ALK: variants seen among roughly 807,000 people sequenced by gnomAD.
The protein encoded by ALK is ALK receptor tyrosine kinase, also known as ALK tyrosine kinase receptor.
Under a neutral mutation model 163.1 loss-of-function variants are expected in ALK, and 74 were observed. The observed-to-expected ratio is 0.45, with a 90% CI of 0.38 to 0.55. The LOEUF is 0.55. Ranked by LOEUF, ALK falls within the 20% of genes least tolerant of loss-of-function variation. ALK has a pLI of 0.00. For missense variants in ALK, 2,063 were observed against 2,105.3 expected (o/e 0.98, Z 0.39); for synonymous variants, 960 against 843.2 (o/e 1.14, Z -2.40).
intron 3 of ALK, among the ~76,000 whole-genome samples, chr2:29,631,756 T>C (rs1676381811): frequency 6.6e-6 from 1 of 152,264 alleles, no homozygotes; most frequent in Non-Finnish European, 1.5e-5. Context: ...AGAATAAAGA[T>C]TAGGTATCAC....
intron 11 of ALK, among the ~76,000 whole-genome samples, chr2:29,272,211 A>AGAGAGAG (rs397778187): frequency 6.7e-6 from 1 of 148,438 alleles, no homozygotes; most frequent in South Asian, 2.2e-4. Context: ...AGAGAGAGAG[A>AGAGAGAG]AGAACCTGGC....
At chr2:29,807,110 A>T (rs1174218465) in intron 1 of ALK, among the ~76,000 whole-genome samples, 1 of 152,204 alleles carries the variant, frequency 6.6e-6, no homozygotes, top group Non-Finnish European at 1.5e-5. Context: ...AACTTTCTTA[A>T]AGCCCACAAA....
intron 4 of ALK, among the ~76,000 whole-genome samples, chr2:29,476,819 T>G (rs929366007): frequency 1.7e-4 from 26 of 152,218 alleles, no homozygotes; most frequent in Non-Finnish European, 2.9e-5. Flanking sequence ...GAGCATTTCT[T>G]GCTGTGATGT....
Position 29,332,093 on chromosome 2 carries a change from G to T in ALK, c.1283-3612C>A, listed in dbSNP as rs533670953. ...CAAGGTCAGGAGATCAAGACCATCT[G>T]GGCTAACATGGTGAAACCCCGTCTC... On this transcript the variant is annotated intron_variant, in intron 5 of 28. Coordinates refer to ENST00000389048, the MANE Select transcript of ALK (RefSeq NM_004304.5). Among the ~76,000 whole-genome samples, 423 of 151,336 alleles carry T rather than the reference G, an allele frequency of 2.8e-3. 4 individuals carry two copies. The highest frequency in any genetic ancestry group is 9.5e-3 in the African/African-American group (392 of 41,234).
chr2:29,425,278 A>T (rs891905452), intron 4 of ALK, among the ~76,000 whole-genome samples: 1 of 152,102 alleles, frequency 6.6e-6, no homozygotes, highest in South Asian at 2.1e-4. Context: ...TGGAAATTCC[A>T]TTCCAGGAAG....
chr2:29,311,942 C>A (rs559671602), intron 8 of ALK, among the ~76,000 whole-genome samples: 1 of 152,110 alleles, frequency 6.6e-6, no homozygotes, highest in African/African-American at 2.4e-5. Context: ...CTCCCATGCC[C>A]ATGCTGGCTG....
intron 23 of ALK, 57 bp downstream of exon 23, chr2:29,220,649 C>T (rs530104978): frequency 6.2e-7 from 1 of 1,610,984 alleles, no homozygotes; most frequent in Non-Finnish European, 8.5e-7. Flanking sequence ...CTTGCTCCTT[C>T]CATCCTTGCT....
intron 3 of ALK, among the ~76,000 whole-genome samples, chr2:29,666,397 G>C (rs932067400): frequency 1.3e-5 from 2 of 151,816 alleles, no homozygotes; most frequent in Non-Finnish European, 2.9e-5. Context: ...ACTCTGTTGA[G>C]TCATAGAATA....
intron 3 of ALK, among the ~76,000 whole-genome samples, chr2:29,659,495 A>G (rs1256355148): frequency 6.6e-6 from 1 of 152,076 alleles, no homozygotes; most frequent in African/African-American, 2.4e-5. Flanking sequence ...CTGGTCACAC[A>G]CTTTCTGTGA....
At chr2:29,377,105 C>T (rs1244162938) in intron 5 of ALK, among the ~76,000 whole-genome samples, 1 of 152,150 alleles carries the variant, frequency 6.6e-6, no homozygotes, top group African/African-American at 2.4e-5. Context: ...AAATAAGATA[C>T]AGTTAATATA....
intron 3 of ALK, among the ~76,000 whole-genome samples, chr2:29,573,507 T>C (rs1674436954): frequency 6.6e-6 from 1 of 152,214 alleles, no homozygotes; most frequent in African/African-American, 2.4e-5. Flanking sequence ...AAAAAATTTT[T>C]TGAGACAGGA....
intron 5 of ALK, among the ~76,000 whole-genome samples, chr2:29,330,284 C>T (rs1386332484): frequency 6.6e-6 from 1 of 152,178 alleles, no homozygotes; most frequent in Non-Finnish European, 1.5e-5. Flanking sequence ...TGAACATGGT[C>T]ATGTGATGGT....
intron 4 of ALK, among the ~76,000 whole-genome samples, chr2:29,484,959 G>A (rs1410935917): frequency 6.6e-6 from 1 of 151,736 alleles, no homozygotes; most frequent in Non-Finnish European, 1.5e-5. Flanking sequence ...AGCTTTTAGT[G>A]TTTTTTTTCT....
At chr2:29,486,906 GA>G (rs1249324465) in intron 4 of ALK, among the ~76,000 whole-genome samples, 5 of 152,094 alleles carry the variant, frequency 3.3e-5, no homozygotes, top group Admixed American at 1.3e-4. Flanking sequence ...TAATTTAATG[GA>G]AAAAAATAAA....
At chr2:29,584,278 G>T (rs775339729) in intron 3 of ALK, among the ~76,000 whole-genome samples, 1 of 152,166 alleles carries the variant, frequency 6.6e-6, no homozygotes, top group Admixed American at 6.5e-5. Context: ...CTTGTTAAAC[G>T]ATGTTCCCCT....
chr2:29,198,871 A>G (rs533326214), intron 26 of ALK, among the ~76,000 whole-genome samples: 2 of 152,212 alleles, frequency 1.3e-5, no homozygotes, highest in African/African-American at 2.4e-5. Context: ...GTATCTATCA[A>G]TCAATTTTCT....
At chr2:29,360,455 C>T (rs1406230) in intron 5 of ALK, among the ~76,000 whole-genome samples, 45,872 of 152,128 alleles carry the variant, frequency 0.3, 8,148 homozygotes, top group East Asian at 0.58. Context: ...AGAGATAGCA[C>T]ATTGCCCAGA....
intron 4 of ALK, among the ~76,000 whole-genome samples, chr2:29,496,075 C>T (rs1487208998): frequency 6.6e-6 from 1 of 152,146 alleles, no homozygotes; most frequent in African/African-American, 2.4e-5. Flanking sequence ...TGTCAGTTCT[C>T]TGCTCAGGAA....
At chr2:29,261,894 T>G (rs1665097743) in intron 11 of ALK, among the ~76,000 whole-genome samples, 1 of 152,230 alleles carries the variant, frequency 6.6e-6, no homozygotes, top group African/African-American at 2.4e-5. Context: ...GGCAGTTAAC[T>G]GCAGAAAATC....
Sources: allele counts gnomAD v4.1 joint callset (sites outside exome capture counted in the v4.1 genomes callset), GRCh38; gene constraint gnomAD v4.1.1; transcripts MANE v1.5; gene names NCBI Gene and HGNC (gene_info 2026-07-23, HGNC 2026-07-21).